Variants in AEBP2 observed in about 807,000 individuals in gnomAD.
AEBP2 encodes zinc finger protein AEBP2.
Under a neutral mutation model 50.8 loss-of-function variants are expected in AEBP2, and 10 were observed. The ratio of observed to expected loss-of-function variants is 0.20; its 90% CI spans 0.12 to 0.33. The LOEUF (loss-of-function observed/expected upper bound fraction) is 0.33. Among genes scored for constraint, AEBP2 ranks in the 10% least tolerant of loss-of-function variants. AEBP2 has a pLI of 1.00. For missense variants in AEBP2, 570 were observed against 688.0 expected, an observed-to-expected ratio of 0.83 and a Z score of 1.92; for synonymous variants, 296 against 261.3, an observed-to-expected ratio of 1.13 and a Z score of -1.28.
At chr12:19,417,104 C>A (rs1455750776) in intron 1 of AEBP2, among the ~76,000 whole-genome samples, 1 of 150,926 alleles carries the variant, frequency 6.6e-6, no homozygotes, top group African/African-American at 2.4e-5. Flanking sequence ...ATCTCCTGAT[C>A]TCATGATCCG....
intron 1 of AEBP2, among the ~76,000 whole-genome samples, chr12:19,449,281 C>T (rs923796936): frequency 7.9e-5 from 12 of 151,844 alleles, no homozygotes; most frequent in Non-Finnish European, 1.6e-4. Context: ...TTAAACATAC[C>T]ATCTTTGTGT....
upstream of AEBP2, among the ~76,000 whole-genome samples, chr12:19,435,886 A>T (rs1947854252): frequency 6.6e-6 from 1 of 152,176 alleles, no homozygotes; most frequent in Non-Finnish European, 1.5e-5. Flanking sequence ...TCAGAAAATG[A>T]TACCCCAAAG....
chr12:19,518,498 A>G lies in AEBP2; in HGVS notation c.*381A>G, dbSNP rs1431494026. The G allele has an allele frequency of 1.4e-5, 18 of 1,250,940 alleles. No individual in the cohort carries two copies. Among genetic ancestry groups the G allele is most frequent in the East Asian group, 9.3e-5 (3 of 32,296 alleles). The allele number at this position is 1,250,940 out of a possible 1,614,324, so 77.5% of individuals were successfully genotyped here. On this transcript the variant is annotated 3_prime_UTR_variant, in exon 8 of 8. Transcript: ENST00000266508. ...GTAGTTTATATTGGAAAGAAAAACA[A>G]TTACAACATGTGCCCTTACAAATAC... is the stretch of plus-strand genomic sequence containing the variant.
intron 4 of AEBP2, among the ~76,000 whole-genome samples, chr12:19,497,406 G>C (rs1295545711): frequency 7.5e-6 from 1 of 132,836 alleles, no homozygotes; most frequent in Non-Finnish European, 1.5e-5. Flanking sequence ...TGCGATCTTG[G>C]CTCACAGCAA....
At chr12:19,493,507 G>T (rs1370227028) in intron 3 of AEBP2, among the ~76,000 whole-genome samples, 3 of 152,184 alleles carry the variant, frequency 2.0e-5, no homozygotes, top group African/African-American at 7.2e-5. Context: ...TTCAAAACCA[G>T]ATTTTTCTGG....
intron 1 of AEBP2, among the ~76,000 whole-genome samples, chr12:19,410,016 T>C (rs886493353): frequency 6.6e-6 from 1 of 152,118 alleles, no homozygotes; most frequent in Admixed American, 6.6e-5. Flanking sequence ...TTTCAACCCA[T>C]AGCTTTTTTG....
rs986832398 is a variant in AEBP2 at position 19,439,616 on chromosome 12, G to A, written c.-84G>A. The A allele has an allele frequency of 8.2e-6, 12 of 1,467,814 alleles. No individual in the cohort carries two copies. Among genetic ancestry groups the A allele is most frequent in the African/African-American group, 1.5e-5 (1 of 68,724 alleles). 90.9% of individuals were successfully genotyped at this position (1,467,814 alleles called of 1,614,324 possible). A position where few individuals can be genotyped will look rare whatever the true frequency, so the allele number is the denominator to read the frequency against. The stretch of plus-strand genomic sequence containing the variant: ...CAGCGGCGTCGGCGGAGTTTTGGGC[G>A]TTTGGGAGGGGGGCGAGGGAGAGAG... On this transcript the variant is annotated 5_prime_UTR_variant, in exon 1 of 8. Coordinates refer to ENST00000266508, the MANE Select transcript of AEBP2 (RefSeq NM_153207.5).
chr12:19,471,453 AAT>A (rs1948571801), intron 2 of AEBP2, among the ~76,000 whole-genome samples: 1 of 152,058 alleles, frequency 6.6e-6, no homozygotes, highest in Non-Finnish European at 1.5e-5. Flanking sequence ...TGATAGCATT[AAT>A]TACCCATGTG....
chr12:19,465,251 G>C (rs945837488), intron 2 of AEBP2, among the ~76,000 whole-genome samples: 7 of 151,860 alleles, frequency 4.6e-5, no homozygotes, highest in African/African-American at 1.7e-4. Context: ...AAAATTAGCT[G>C]GGTATAGTTG....
intron 1 of AEBP2, among the ~76,000 whole-genome samples, chr12:19,444,416 T>C (rs555447170): frequency 6.6e-6 from 1 of 152,330 alleles, no homozygotes; most frequent in East Asian, 1.9e-4. Flanking sequence ...AAATTAGTAC[T>C]AGCTATTGAA....
intron 1 of AEBP2, 93 bp downstream of exon 1, chr12:19,440,463 C>G (rs1373810833): frequency 3.3e-5 from 47 of 1,416,520 alleles, no homozygotes; most frequent in Non-Finnish European, 4.2e-5. Flanking sequence ...CCGCGATCCC[C>G]CTGCTCCCCG....
intron 1 of AEBP2, chr12:19,456,816 T>C: frequency 6.4e-7 from 1 of 1,555,924 alleles, no homozygotes; most frequent in South Asian, 1.1e-5. Context: ...CATACCAGGT[T>C]TGAGAACACC....
chr12:19,411,438 A>G (rs994824410), intron 1 of AEBP2, among the ~76,000 whole-genome samples: 1 of 152,200 alleles, frequency 6.6e-6, no homozygotes, highest in Non-Finnish European at 1.5e-5. Context: ...GAAAATGCAG[A>G]GAGAATTTCC....
intron 1 of AEBP2, among the ~76,000 whole-genome samples, chr12:19,440,896 A>C (rs1329547985): frequency 1.3e-5 from 2 of 152,246 alleles, no homozygotes; most frequent in Non-Finnish European, 2.9e-5. Context: ...CTTTTATATT[A>C]AATCATTGCC....
chr12:19,486,873 AC>A (rs1396574102), intron 3 of AEBP2, among the ~76,000 whole-genome samples: 1 of 150,638 alleles, frequency 6.6e-6, no homozygotes, highest in Non-Finnish European at 1.5e-5. Context: ...CTCAAATGTA[AC>A]CCCCACCTCC....
At chr12:19,468,875 C>T (rs1404211049) in intron 2 of AEBP2, among the ~76,000 whole-genome samples, 1 of 152,204 alleles carries the variant, frequency 6.6e-6, no homozygotes, top group Non-Finnish European at 1.5e-5. Flanking sequence ...AAATTTTAGA[C>T]ATCTACATCT....
chr12:19,492,561 TACAA>T (rs2120443236), intron 3 of AEBP2, among the ~76,000 whole-genome samples: 1 of 152,054 alleles, frequency 6.6e-6, no homozygotes, highest in African/African-American at 2.4e-5. Flanking sequence ...AAAAAATTTA[TACAA>T]ACAAAATATA....
intron 4 of AEBP2, among the ~76,000 whole-genome samples, chr12:19,495,547 C>CTTTTTTTT (rs35060511): frequency 7.1e-6 from 1 of 141,046 alleles, no homozygotes; most frequent in African/African-American, 2.6e-5. Flanking sequence ...TTCATTCTTG[C>CTTTTTTTT]TTTTTTTTTT....
chr12:19,460,604 G>C lies in AEBP2; in HGVS notation c.672-1906G>C, dbSNP rs1396319381. Among the ~76,000 whole-genome samples, 4 of 151,302 alleles carry C rather than the reference G, an allele frequency of 2.6e-5. No individual in the cohort carries two copies. The South Asian group carries it at 6.3e-4, about 24-fold the overall frequency. The stretch of plus-strand genomic sequence containing the variant: ...CCTGACCTTGTGATCCACCCACCTC[G>C]GCCTCCCAGAGTGCTGGGATTATAG... On this transcript the variant is annotated intron_variant, in intron 1 of 7. Coordinates refer to ENST00000266508, the MANE Select transcript of AEBP2 (RefSeq NM_153207.5).
Sources: allele counts gnomAD v4.1 joint callset (sites outside exome capture counted in the v4.1 genomes callset), GRCh38; gene constraint gnomAD v4.1.1; transcripts MANE v1.5; gene names NCBI Gene and HGNC (gene_info 2026-07-23, HGNC 2026-07-21).